Variants in IL17RD observed in about 807,000 individuals in gnomAD.
IL17RD encodes the protein interleukin 17 receptor D.
In IL17RD, 52 loss-of-function variants were observed where a neutral mutation model predicts 80.5. That is an observed-to-expected ratio of 0.65 (90% CI 0.52 to 0.81). IL17RD has a LOEUF of 0.81. Ranked by LOEUF, IL17RD falls within the 40% of genes least tolerant of loss-of-function variation. IL17RD has a pLI of 0.00. For synonymous variants in IL17RD, 416 were observed against 391.8 expected, an observed-to-expected ratio of 1.06 and a Z score of -0.73; for missense variants, 1,024 against 955.1, an observed-to-expected ratio of 1.07 and a Z score of -0.95.
At chr3:57,123,628 C>T (rs1270337576) in intron 1 of IL17RD, among the ~76,000 whole-genome samples, 2 of 152,210 alleles carry the variant, frequency 1.3e-5, no homozygotes, top group Non-Finnish European at 2.9e-5. Context: ...GATGTAGATG[C>T]AAAATGGTAG....
At chr3:57,108,484 TTAATC>T (rs770969290) in intron 5 of IL17RD, among the ~76,000 whole-genome samples, 50 of 147,956 alleles carry the variant, frequency 3.4e-4, no homozygotes, top group Non-Finnish European at 5.4e-4. Flanking sequence ...TTTTTTTTCT[TTAATC>T]TAATCGTTTT....
At chr3:57,165,946 A>G (rs927141676), upstream of IL17RD, among the ~76,000 whole-genome samples, 3 of 152,148 alleles carry the variant, frequency 2.0e-5, no homozygotes, top group Non-Finnish European at 4.4e-5. Flanking sequence ...GAAACATAAC[A>G]AGTGCTCCAT....
chr3:57,119,494 A>G (rs771197915), intron 2 of IL17RD, among the ~76,000 whole-genome samples: 1 of 152,162 alleles, frequency 6.6e-6, no homozygotes, highest in Admixed American at 6.5e-5. Context: ...ACGCCACTAC[A>G]CTCCAGCCTG....
chr3:57,117,242 T>A (rs1031951831), intron 2 of IL17RD, among the ~76,000 whole-genome samples: 1 of 151,862 alleles, frequency 6.6e-6, no homozygotes, highest in Non-Finnish European at 1.5e-5. Flanking sequence ...GCCTCCTGAG[T>A]AGCTGGGACT....
At chr3:57,120,219 AG>A in intron 2 of IL17RD, 36 bp downstream of exon 2, 6 of 1,504,342 alleles carry the variant, frequency 4.0e-6, no homozygotes, top group Non-Finnish European at 5.6e-6. Context: ...GATGACTCAA[AG>A]GGCTCCATTC....
chr3:57,147,307 A>C (rs1707953400), intron 1 of IL17RD, among the ~76,000 whole-genome samples: 1 of 152,232 alleles, frequency 6.6e-6, no homozygotes, highest in Non-Finnish European at 1.5e-5. Flanking sequence ...ATGAACTATT[A>C]ATAACACATT....
At chr3:57,126,487 G>T (rs1460618617) in intron 1 of IL17RD, among the ~76,000 whole-genome samples, 1 of 152,206 alleles carries the variant, frequency 6.6e-6, no homozygotes, top group Non-Finnish European at 1.5e-5. Flanking sequence ...GCAAAGGCCT[G>T]GATACAGAGA....
At position 57,101,375 on chromosome 3, in the gene IL17RD, A is replaced by G; in HGVS notation, c.980-12T>C. 2 of 1,548,522 alleles carry G rather than the reference A, an allele frequency of 1.3e-6. No homozygotes were observed. The highest frequency in any genetic ancestry group is 8.8e-7 in the Non-Finnish European group (1 of 1,131,268). On this transcript the variant is annotated splice_polypyrimidine_tract_variant and intron_variant, in intron 10 of 12. Coordinates refer to ENST00000296318, the MANE Select transcript of IL17RD (RefSeq NM_017563.5). ...TGAATATATATTTTCTAAATTGGAA[A>G]AGAAGATAAGGTTGATACTTGCAAG...
At chr3:57,142,397 A>G (rs1420165322) in intron 1 of IL17RD, 5 of 622,198 alleles carry the variant, frequency 8.0e-6, no homozygotes, top group Middle Eastern at 2.9e-4. Flanking sequence ...AGGGTAGGAG[A>G]GACATTTTAT....
At position 57,127,377 on chromosome 3, in the gene IL17RD, TAAATAAATAAATAAATAA is replaced by T. The variant is rs1559477335; in HGVS notation, c.127-7082_127-7065del. 2.3e-3 allele frequency among the ~76,000 whole-genome samples: 218 copies of T among 94,286 alleles called. 11 individuals carry two copies. The highest frequency in any genetic ancestry group is 9.8e-3 in the African/African-American group (206 of 21,038). The allele number at this position is 94,286 out of a possible 152,430, so 61.9% of individuals were successfully genotyped here. On this transcript the variant is annotated intron_variant, in intron 1 of 12. Transcript: ENST00000296318. ...ATATATAAATATAAATATATATATA[TAAATAAATAAATAAATAA>T]ATATATATATATATATATTTTTTTT...
Position 57,165,176 on chromosome 3 carries a change from G to T in IL17RD, c.111C>A (p.Asp37Glu), listed in dbSNP as rs1340291830. The change falls in exon 1 of 13, where the codon GAC becomes GAA. Residue 37 changes from aspartate to glutamate, a missense_variant. By Grantham distance (45) the Asp-to-Glu change is conservative (BLOSUM62 2). Transcript: ENST00000296318. ...CTCGCCTTACCCTCCAGCCACAGGT[G>T]TCGGCGCCCCGCGCGCGGCCGGACC... ...AGGSGRARGA[D>E]TCGWRGVGPA... is the part of the protein sequence containing the mutation. 1.3e-6 allele frequency: 2 copies of T among 1,526,884 alleles called. No homozygotes were observed. The highest frequency in any genetic ancestry group is 2.4e-5 in the South Asian group (2 of 81,908). 94.6% of individuals were successfully genotyped at this position (1,526,884 alleles called of 1,614,324 possible).
At chr3:57,155,835 C>T (rs2060263404) in intron 1 of IL17RD, among the ~76,000 whole-genome samples, 1 of 152,184 alleles carries the variant, frequency 6.6e-6, no homozygotes, top group South Asian at 2.1e-4. Flanking sequence ...AGGTGATCCG[C>T]CTGCCTTGGC....
At position 57,114,730 on chromosome 3, in the gene IL17RD, T is replaced by C. The variant is rs1707173636; in HGVS notation, c.272A>G (p.Gln91Arg). 6.2e-7 allele frequency: 1 copy of C among 1,612,116 alleles called. No homozygotes were observed. The highest frequency in any genetic ancestry group is 1.7e-5 in the Admixed American group (1 of 59,468). The change falls in exon 3 of 13, where the codon CAA (glutamine) becomes CGA (arginine). Residue 91 changes from glutamine to arginine, a missense_variant. Physicochemically the swap from Gln to Arg is conservative, Grantham distance 43. Transcript: ENST00000296318. ...ITISQYACHD[Q>R]VAVTILWSPG... ...GGACCAAAGAATGGTGACTGCCACTTGGTCATGGCAAGCATACTGGCTGAT... is the reference window on the plus strand; with the variant it reads ...GGACCAAAGAATGGTGACTGCCACTCGGTCATGGCAAGCATACTGGCTGAT...
intron 3 of IL17RD, among the ~76,000 whole-genome samples, chr3:57,111,068 G>A (rs189322844): frequency 2.4e-4 from 36 of 152,370 alleles, no homozygotes; most frequent in African/African-American, 7.5e-4. Flanking sequence ...CGCCAGCACC[G>A]GGTTTGTGTA....
chr3:57,113,085 A>T (rs780210425), intron 3 of IL17RD, among the ~76,000 whole-genome samples: 1 of 152,116 alleles, frequency 6.6e-6, no homozygotes, highest in African/African-American at 2.4e-5. Flanking sequence ...ACCTGAACAA[A>T]TGGTCCCCTT....
chr3:57,133,488 C>G (rs1707657031), intron 1 of IL17RD, among the ~76,000 whole-genome samples: 1 of 152,202 alleles, frequency 6.6e-6, no homozygotes, highest in Non-Finnish European at 1.5e-5. Context: ...AATAATTATG[C>G]TTGCCAAGGA....
rs553365261 is a variant in IL17RD at position 57,097,879 on chromosome 3, A to G, written c.1824T>C (p.Ala608=). 1 of 1,613,928 alleles carries G rather than the reference A, an allele frequency of 6.2e-7. No homozygotes were observed. The highest frequency in any genetic ancestry group is 1.1e-5 in the South Asian group (1 of 91,082). ...CGGCTGGTCCGGTTGCCCCAAGAAC[A>G]GCCGCCTCTACCTTTAGGCAGAAGT... ...ESDFCLKVEA[A]VLGATGPADS... Residue 608 remains alanine, a synonymous_variant, in exon 12 of 13, where the codon GCT becomes GCC. Coordinates refer to ENST00000296318, the MANE Select transcript of IL17RD (RefSeq NM_017563.5).
chr3:57,160,993 A>G (rs1407489664), intron 1 of IL17RD, among the ~76,000 whole-genome samples: 1 of 152,126 alleles, frequency 6.6e-6, no homozygotes, highest in Non-Finnish European at 1.5e-5. Context: ...TAACTAGCAC[A>G]ATGCCCCAGG....
intron 10 of IL17RD, 106 bp from the exon 11 acceptor site, chr3:57,101,469 G>GAC: frequency 1.4e-6 from 1 of 693,092 alleles, no homozygotes; most frequent in Non-Finnish European, 2.3e-6. Flanking sequence ...CGTCTACCTA[G>GAC]AGCAGTCCCA....
Sources: gnomAD v4.1 joint callset for allele counts (sites outside exome capture counted in the v4.1 genomes callset) on GRCh38, gnomAD v4.1.1 for gene constraint, MANE v1.5 for transcripts, NCBI Gene and HGNC (gene_info 2026-07-23, HGNC 2026-07-21) for gene names.